Variants in ARHGEF2 observed in about 807,000 individuals in gnomAD.
ARHGEF2 encodes the protein rho guanine nucleotide exchange factor 2.
A neutral mutation model predicts 121.0 loss-of-function variants in ARHGEF2; 22 were observed. That is an observed-to-expected ratio of 0.18 (90% CI 0.13 to 0.26). The LOEUF is 0.26. ARHGEF2 is among the 10% of genes least tolerant of loss of function. The pLI is 1.00. For synonymous variants in ARHGEF2, 487 were observed against 530.0 expected (o/e 0.92, Z 1.11); for missense variants, 907 against 1,336.0 (o/e 0.68, Z 5.01).
chr1:155,978,096 G>A lies in ARHGEF2; in HGVS notation c.63+269C>T, dbSNP rs1681642509. On this transcript the variant is annotated intron_variant, in intron 1 of 21. Coordinates refer to ENST00000361247, the MANE Select transcript of ARHGEF2 (RefSeq NM_001162383.2). This position sits in a 1 kb window ranked among gnomAD's most constrained non-coding sequence, Gnocchi z 4.1. ...GCAACTTTCTTTCAAGCGGCCTAAAGCACTCGGTCCCGCCGGCTTGGAGGC... is the reference window on the plus strand; with the variant it reads ...GCAACTTTCTTTCAAGCGGCCTAAAACACTCGGTCCCGCCGGCTTGGAGGC... 1 of 1,216,508 alleles carries A rather than the reference G, an allele frequency of 8.2e-7. No individual in the cohort carries two copies. The highest frequency in any genetic ancestry group is 1.0e-6 in the Non-Finnish European group (1 of 972,658). The allele number at this position is 1,216,508 out of a possible 1,614,324, so 75.4% of individuals were successfully genotyped here.
upstream of ARHGEF2, chr1:155,978,766 T>C: frequency 2.4e-6 from 2 of 845,202 alleles, no homozygotes; most frequent in Non-Finnish European, 1.5e-6. The surrounding 1 kb of genome is among the most constrained non-coding windows in gnomAD (Gnocchi z 4.1). Flanking sequence ...GGGCGCCCTC[T>C]AGCCCCAGAG....
In ARHGEF2 at chr1:155,948,033, A is replaced by G. The variant is rs932852430; in HGVS notation, c.2888-18T>C. ...GGTAAAGTCTGAAGGGGGACAGGAC[A>G]AAGCCAGTGAGTTAGCAGAGACTCC... On this transcript the variant is annotated intron_variant, in intron 21 of 21. Transcript: ENST00000361247. 7.1e-6 allele frequency: 11 copies of G among 1,548,320 alleles called. No individual in the cohort carries two copies. In the Admixed American group the frequency reaches 2.0e-4, roughly 28 times the overall value.
chr1:155,972,727 G>A (rs1680688264), intron 1 of ARHGEF2, among the ~76,000 whole-genome samples: 1 of 150,090 alleles, frequency 6.7e-6, no homozygotes, highest in Non-Finnish European at 1.5e-5. Context: ...TTTGAGACAG[G>A]GTCTCACTCT....
chr1:155,952,241 G>A lies in ARHGEF2; in HGVS notation c.1985-6C>T. 6.2e-7 allele frequency: 1 copy of A among 1,613,848 alleles called. No homozygotes were observed. Among genetic ancestry groups the A allele is most frequent in the Non-Finnish European group, 8.5e-7 (1 of 1,179,928 alleles). ...CAGGTCTTTCAGACCCTCCACTGTG[G>A]GGAAAGAGGAAGAGGTGAGAACAGG... On this transcript the variant is annotated splice_polypyrimidine_tract_variant and splice_region_variant and intron_variant, in intron 15 of 21. Transcript: ENST00000361247.
chr1:155,953,746 CAAAAAAAAA>C, intron 14 of ARHGEF2, among the ~76,000 whole-genome samples: 1 of 45,306 alleles, frequency 2.2e-5, no homozygotes, highest in East Asian at 5.8e-4. Context: ...GACCCTGTCT[CAAAAAAAAA>C]AAAAAAAAAA....
At chr1:155,964,167 A>AAAAT (rs1553244640) in intron 7 of ARHGEF2, among the ~76,000 whole-genome samples, 28 of 91,208 alleles carry the variant, frequency 3.1e-4, no homozygotes, top group African/African-American at 1.5e-3. Flanking sequence ...AAAAAAAAAA[A>AAAAT]ATATATATAT....
rs1572041782 is a variant in ARHGEF2 at position 155,950,123 on chromosome 1, C to A, written c.2887+176G>T. On this transcript the variant is annotated intron_variant, in intron 21 of 21. Coordinates refer to ENST00000361247, the MANE Select transcript of ARHGEF2 (RefSeq NM_001162383.2). This position sits in a 1 kb window ranked among gnomAD's most constrained non-coding sequence, Gnocchi z 5.2. ...TCACCAACCAGTTGGAGGAGAGAGG[C>A]CCCTCCTGCTTCCTAGACTTCCACC... The A allele has an allele frequency of 9.7e-6, 7 of 725,294 alleles. No homozygotes were observed. The East Asian group carries it at 1.6e-4, about 16-fold the overall frequency. 44.9% of individuals were successfully genotyped at this position (725,294 alleles called of 1,614,324 possible). A position where few individuals can be genotyped will look rare whatever the true frequency, so the allele number is the denominator to read the frequency against.
upstream of ARHGEF2, chr1:155,978,590 C>T (rs977317754): frequency 2.4e-6 from 3 of 1,264,032 alleles, no homozygotes; most frequent in South Asian, 2.7e-5. This position sits in a 1 kb window ranked among gnomAD's most constrained non-coding sequence, Gnocchi z 4.1. Context: ...ACCCGAGTCT[C>T]CTCCCCCGCC....
chr1:155,972,385 T>C (rs948621185), intron 1 of ARHGEF2: 3 of 442,942 alleles, frequency 6.8e-6, no homozygotes, highest in African/African-American at 4.0e-5. Flanking sequence ...GTCCCGGAGG[T>C]TGCCTGTGCC....
Position 155,962,566 on chromosome 1 carries a change from G to A in ARHGEF2, c.1101+27C>T, listed in dbSNP as rs12077383. 2 of 1,611,308 alleles carry A rather than the reference G, an allele frequency of 1.2e-6. No individual in the cohort carries two copies. Among genetic ancestry groups the A allele is most frequent in the Non-Finnish European group, 1.7e-6 (2 of 1,179,336 alleles). The stretch of plus-strand genomic sequence containing the variant: ...TGGGGAGGGTGGGTTTGGGCCATGA[G>A]CATGGGATCTGGAGAGGTCCGCTCA... On this transcript the variant is annotated intron_variant, in intron 9 of 21. Coordinates refer to ENST00000361247, the MANE Select transcript of ARHGEF2 (RefSeq NM_001162383.2). The surrounding 1 kb of genome is among the most constrained non-coding windows in gnomAD (Gnocchi z 5.8).
In ARHGEF2 at chr1:155,962,416, T is replaced by A. The variant is rs1678149126; in HGVS notation, c.1101+177A>T. Reference sequence around the variant, plus strand: ...AAGGAGCAAAAAGTACTTGGGAAACTACCACAACGTGCTCTAGCATTCTGA... The same window carrying A: ...AAGGAGCAAAAAGTACTTGGGAAACAACCACAACGTGCTCTAGCATTCTGA... On this transcript the variant is annotated intron_variant, in intron 9 of 21. Transcript: ENST00000361247. The surrounding 1 kb of genome is among the most constrained non-coding windows in gnomAD (Gnocchi z 5.8). 9.2e-7 allele frequency: 1 copy of A among 1,086,684 alleles called. No homozygotes were observed. Among genetic ancestry groups the A allele is most frequent in the South Asian group, 1.5e-5 (1 of 65,928 alleles). 67.3% of individuals were successfully genotyped at this position (1,086,684 alleles called of 1,614,324 possible).
Position 155,950,848 on chromosome 1 carries a change from A to G in ARHGEF2, c.2684T>C (p.Leu895Ser). The G allele has an allele frequency of 4.6e-6, 7 of 1,530,866 alleles. No individual in the cohort carries two copies. Among genetic ancestry groups the G allele is most frequent in the Non-Finnish European group, 6.1e-6 (7 of 1,139,896 alleles). 94.8% of individuals were successfully genotyped at this position (1,530,866 alleles called of 1,614,324 possible). Residue 895 changes from leucine (L) to serine (S), a missense_variant, in exon 20 of 22, where the codon TTG (leucine) becomes TCG (serine). Physicochemically the swap from Leu to Ser is moderately radical, Grantham distance 145. This residue lies in a region of ARHGEF2 where 432 missense variants were observed against 559.5 expected (regional missense o/e 0.77). Transcript: ENST00000361247. The surrounding 1 kb of genome is among the most constrained non-coding windows in gnomAD (Gnocchi z 5.2). ...CCTTACCTGTGGGGGGTTGAAACTCAAGTACAGGGCATCGCCTGCGGGGAG... is the reference window on the plus strand; with the variant it reads ...CCTTACCTGTGGGGGGTTGAAACTCGAGTACAGGGCATCGCCTGCGGGGAG... ...RSLPAGDALY[L>S]SFNPPQPSRG...
chr1:155,952,906 A>C, intron 14 of ARHGEF2, 78 bp from the exon 15 acceptor site: 1 of 1,403,136 alleles, frequency 7.1e-7, no homozygotes, highest in East Asian at 2.3e-5. Context: ...GCCCTAGGGG[A>C]GAGGGGTAGG....
chr1:155,952,206 G>A lies in ARHGEF2; in HGVS notation c.2014C>T (p.Pro672Ser), dbSNP rs1330625639. 6.2e-7 allele frequency: 1 copy of A among 1,614,036 alleles called. No homozygotes were observed. Among genetic ancestry groups the A allele is most frequent in the Non-Finnish European group, 8.5e-7 (1 of 1,180,032 alleles). The change falls in exon 16 of 22, where the codon CCA becomes TCA. Residue 672 changes from proline (P) to serine (S), a missense_variant. Coordinates refer to ENST00000361247, the MANE Select transcript of ARHGEF2 (RefSeq NM_001162383.2). ...VEGLKDLLVG[P>S]GVELLLTPRE... is the part of the protein sequence containing the mutation. ...GGTGTCAAGAGCAGTTCCACTCCTG[G>A]CCCCACCAGCAGGTCTTTCAGACCC...
intron 11 of ARHGEF2, among the ~76,000 whole-genome samples, chr1:155,958,706 G>A (rs1172698068): frequency 6.6e-6 from 1 of 151,492 alleles, no homozygotes; most frequent in Non-Finnish European, 1.5e-5. Flanking sequence ...CTCCCAAGGA[G>A]CTGGGACTAC....
chr1:155,970,102 T>A, intron 1 of ARHGEF2: 1 of 985,442 alleles, frequency 1.0e-6, no homozygotes, highest in Non-Finnish European at 1.2e-6. Context: ...ATCCCTCTCA[T>A]ACTACTTTCC....
In ARHGEF2 at chr1:155,964,167, A is replaced by AAT. The variant is rs869033599; in HGVS notation, c.724+819_724+820dup. 1.3e-3 allele frequency among the ~76,000 whole-genome samples: 116 copies of AAT among 91,180 alleles called. 1 individual carries two copies. The highest frequency in any genetic ancestry group is 6.2e-3 in the African/African-American group (102 of 16,500). The allele number at this position is 91,180 out of a possible 152,430, so 59.8% of individuals were successfully genotyped here. ...TTCAAAAAAAAAAAAAAAAAAAAAA[A>AAT]ATATATATATATATATATATATATA... On this transcript the variant is annotated intron_variant, in intron 7 of 21. Coordinates refer to ENST00000361247, the MANE Select transcript of ARHGEF2 (RefSeq NM_001162383.2).
Position 155,965,776 on chromosome 1 carries a change from G to A in ARHGEF2, c.341-16C>T. 6.3e-7 allele frequency: 1 copy of A among 1,581,790 alleles called. No homozygotes were observed. ...CGGATGGTTGCTGTGGGGGAGAGAT[G>A]CCCAGCAGGCAAACATCAGACTCTG... is the stretch of plus-strand genomic sequence containing the variant. On this transcript the variant is annotated splice_polypyrimidine_tract_variant and intron_variant, in intron 4 of 21. Coordinates refer to ENST00000361247, the MANE Select transcript of ARHGEF2 (RefSeq NM_001162383.2). This position sits in a 1 kb window ranked among gnomAD's most constrained non-coding sequence, Gnocchi z 6.0.
Position 155,965,442 on chromosome 1 carries a change from C to T in ARHGEF2, c.471-30G>A, listed in dbSNP as rs1386210951. ...AGAAAGTGGAGGCTGTCTGCATCACCCCCAGTCGGGCAAAAGATCCCTTCC... is the reference window on the plus strand; with the variant it reads ...AGAAAGTGGAGGCTGTCTGCATCACTCCCAGTCGGGCAAAAGATCCCTTCC... On this transcript the variant is annotated intron_variant, in intron 5 of 21. Transcript: ENST00000361247. The surrounding 1 kb of genome is among the most constrained non-coding windows in gnomAD (Gnocchi z 6.0). The T allele has an allele frequency of 6.2e-7, 1 of 1,608,562 alleles. No individual in the cohort carries two copies. Among genetic ancestry groups the T allele is most frequent in the Non-Finnish European group, 8.5e-7 (1 of 1,175,090 alleles).
Sources: allele counts gnomAD v4.1 joint callset (sites outside exome capture counted in the v4.1 genomes callset), GRCh38; gene constraint gnomAD v4.1.1; regional missense constraint gnomAD v4.1.1; non-coding constraint Gnocchi (gnomAD v3.1); transcripts MANE v1.5; gene names NCBI Gene and HGNC (gene_info 2026-07-23, HGNC 2026-07-21).